Variants in PDXDC1 observed in about 807,000 individuals in gnomAD.
The protein encoded by PDXDC1 is pyridoxal dependent decarboxylase domain containing 1.
PDXDC1 carries 42 observed loss-of-function variants against 100.1 expected under a neutral mutation model. The observed-to-expected ratio is 0.42, with a 90% CI of 0.33 to 0.54. The LOEUF (loss-of-function observed/expected upper bound fraction) is 0.54. Ranked by LOEUF, PDXDC1 falls within the 20% of genes least tolerant of loss-of-function variation. PDXDC1 has a pLI of 0.10. For missense variants in PDXDC1, 636 were observed against 979.2 expected (o/e 0.65, Z 4.68); for synonymous variants, 260 against 371.7 (o/e 0.70, Z 3.46).
intron 16 of PDXDC1, chr16:15,133,830 T>C: frequency 6.3e-7 from 1 of 1,581,930 alleles, no homozygotes. Flanking sequence ...GGTGAGGGCG[T>C]GCACAGCGCC....
chr16:14,981,973 C>T (rs1238068520), intron 1 of PDXDC1, among the ~76,000 whole-genome samples: 7 of 152,382 alleles, frequency 4.6e-5, no homozygotes, highest in South Asian at 4.1e-4. Context: ...GGATTACAGG[C>T]GCCCACCACC....
rs2043071709 is a variant in PDXDC1 at position 15,031,651 on chromosome 16, C to T, written c.1400-84C>T. The T allele has an allele frequency of 3.2e-6, 4 of 1,245,766 alleles. No individual in the cohort carries two copies. The Admixed American group carries it at 5.8e-5, about 18-fold the overall frequency. The allele number at this position is 1,245,766 out of a possible 1,614,324, so 77.2% of individuals were successfully genotyped here. A position where few individuals can be genotyped will look rare whatever the true frequency, so the allele number is the denominator to read the frequency against. On this transcript the variant is annotated intron_variant, in intron 16 of 22. Transcript: ENST00000396410. ...AACTGGAGTACCTCGAGCTTTTGAC[C>T]TTCCCAGTAGTGGAAGAGGGAGCCC...
chr16:15,052,691 G>A (rs927425514), intron 16 of PDXDC1, among the ~76,000 whole-genome samples: 14 of 152,050 alleles, frequency 9.2e-5, no homozygotes, highest in Non-Finnish European at 8.8e-5. Flanking sequence ...AAAATTAGCC[G>A]GGCATGGTGG....
intron 16 of PDXDC1, chr16:15,074,691 G>T: frequency 6.4e-7 from 1 of 1,567,918 alleles, no homozygotes; most frequent in Non-Finnish European, 8.7e-7. Flanking sequence ...TACACTGCAG[G>T]TGTTCAATAA....
intron 16 of PDXDC1, chr16:15,135,359 C>T (rs896886676): frequency 7.1e-6 from 11 of 1,539,292 alleles, no homozygotes; most frequent in African/African-American, 4.1e-5. Context: ...AGCCGCCAGC[C>T]GTTCCCGTGG....
chr16:14,977,253 A>G (rs1359509228), intron 1 of PDXDC1, among the ~76,000 whole-genome samples: 1 of 149,262 alleles, frequency 6.7e-6, no homozygotes, highest in Non-Finnish European at 1.5e-5. Flanking sequence ...TAAGTTTTTC[A>G]GAACTATGGG....
chr16:15,040,842 T>C (rs762909262), downstream of PDXDC1, among the ~76,000 whole-genome samples: 18 of 152,150 alleles, frequency 1.2e-4, no homozygotes, highest in African/African-American at 1.4e-4. Context: ...TGCTACCACG[T>C]TGCTTCTTCA....
chr16:15,075,804 G>A lies in PDXDC1; in HGVS notation c.1399+45748G>A, dbSNP rs557694394. ...CACCATGGCGGGTGCTTTTGGTGCC[G>A]GGCCCCCTTTTGCAGGTCGGGATAT... On this transcript the variant is annotated intron_variant, in intron 16 of 16. Coordinates refer to the PDXDC1 transcript ENST00000535621. Among the ~76,000 whole-genome samples the A allele has an allele frequency of 1.3e-3, 202 of 152,122 alleles. 1 individual carries two copies. Among genetic ancestry groups the A allele is most frequent in the African/African-American group, 4.6e-3 (191 of 41,488 alleles).
rs576521472 is a variant in PDXDC1 at position 15,086,062 on chromosome 16, T to C, written c.1400-52817T>C. 345 of 1,444,604 alleles carry C rather than the reference T, an allele frequency of 2.4e-4. 1 individual carries two copies. The highest frequency in any genetic ancestry group is 3.1e-4 in the Non-Finnish European group (331 of 1,061,184). 89.5% of individuals were successfully genotyped at this position (1,444,604 alleles called of 1,614,324 possible). On this transcript the variant is annotated intron_variant, in intron 16 of 16. Coordinates refer to the PDXDC1 transcript ENST00000535621. ...TTCCATGGTAGCAGTCTCTCATATATAAGGGGAAGGTAGTATTTTAATAAA... is the reference window on the plus strand; with the variant it reads ...TTCCATGGTAGCAGTCTCTCATATACAAGGGGAAGGTAGTATTTTAATAAA...
Position 15,136,009 on chromosome 16 carries a change from G to C in PDXDC1, c.1400-2870G>C, listed in dbSNP as rs2151928391. ...GAGCCAGATGCAGTGCTCGGCTGTGGCTGGGTGTGGCTCCCCGGGCAGCCA... is the reference window on the plus strand; with the variant it reads ...GAGCCAGATGCAGTGCTCGGCTGTGCCTGGGTGTGGCTCCCCGGGCAGCCA... On this transcript the variant is annotated intron_variant, in intron 16 of 16. Coordinates refer to the PDXDC1 transcript ENST00000535621. The C allele has an allele frequency of 4.5e-6, 7 of 1,538,922 alleles. No individual in the cohort carries two copies. In the South Asian group the frequency reaches 7.9e-5, roughly 17 times the overall value.
intron 16 of PDXDC1, among the ~76,000 whole-genome samples, chr16:15,079,016 T>A (rs10153173): frequency 1.3e-3 from 196 of 152,218 alleles, no homozygotes; most frequent in African/African-American, 4.3e-3. Flanking sequence ...TTCACCATGT[T>A]AGCCAGGATG....
intron 13 of PDXDC1, among the ~76,000 whole-genome samples, chr16:15,024,314 T>C (rs999739979): frequency 1.3e-5 from 2 of 152,236 alleles, no homozygotes. Context: ...GTACCTTACA[T>C]GAATTATTTC....
chr16:15,099,733 C>T (rs1435237805), intron 16 of PDXDC1, among the ~76,000 whole-genome samples: 1 of 152,170 alleles, frequency 6.6e-6, no homozygotes, highest in Non-Finnish European at 1.5e-5. Context: ...TGTGGCCTTT[C>T]ACTTCACTGA....
intron 16 of PDXDC1, chr16:15,086,365 T>G: frequency 6.2e-7 from 1 of 1,613,662 alleles, no homozygotes; most frequent in Non-Finnish European, 8.5e-7. Flanking sequence ...GTGAACTTAC[T>G]AATATAATAC....
At chr16:15,069,907 G>C (rs1315686038) in intron 16 of PDXDC1, among the ~76,000 whole-genome samples, 1 of 152,178 alleles carries the variant, frequency 6.6e-6, no homozygotes, top group Non-Finnish European at 1.5e-5. Context: ...TAAGGGGTTT[G>C]TAGGGGCCTA....
intron 16 of PDXDC1, among the ~76,000 whole-genome samples, chr16:15,073,994 C>T (rs533655115): frequency 6.6e-6 from 1 of 152,134 alleles, no homozygotes; most frequent in African/African-American, 2.4e-5. Flanking sequence ...GTGTGACACC[C>T]AAATTCACTA....
At chr16:15,145,074 C>T in the PDXDC1 span, among the ~76,000 whole-genome samples, 17 of 152,184 alleles carry the variant, frequency 1.1e-4, no homozygotes, top group African/African-American at 4.8e-5. Flanking sequence ...GGCACAGAGG[C>T]TCAAGAGGCC....
intron 16 of PDXDC1, chr16:15,130,935 C>T (rs898000876): frequency 4.9e-4 from 346 of 707,636 alleles, no homozygotes; most frequent in Non-Finnish European, 3.4e-4. Flanking sequence ...CCTGCTTCTC[C>T]GTGGCCCCCA....
chr16:15,039,918 T>G (rs775797408), downstream of PDXDC1: 12 of 1,049,840 alleles, frequency 1.1e-5, no homozygotes, highest in East Asian at 4.8e-5. Context: ...GGCCTTGACA[T>G]TTGATGCCTT....
Sources: allele counts gnomAD v4.1 joint callset (sites outside exome capture counted in the v4.1 genomes callset), GRCh38; gene constraint gnomAD v4.1.1; transcripts MANE v1.5; gene names NCBI Gene and HGNC (gene_info 2026-07-23, HGNC 2026-07-21).